The following GRIK5 variants were observed in gnomAD, a reference collection of about 807,000 sequenced individuals.
GRIK5 encodes the protein glutamate receptor ionotropic, kainate 5.
GRIK5 carries 43 observed loss-of-function variants against 97.4 expected under a neutral mutation model. The ratio of observed to expected loss-of-function variants is 0.44; its 90% CI spans 0.35 to 0.57. GRIK5 has a LOEUF of 0.57. Ranked by LOEUF, GRIK5 falls within the 20% of genes least tolerant of loss-of-function variation. The probability of loss-of-function intolerance (pLI) is 0.01; values close to 1 mark genes in which losing one functional copy is unlikely to be tolerated. For missense variants in GRIK5, 1,015 were observed against 1,382.0 expected (o/e 0.73, Z 4.21); for synonymous variants, 580 against 583.5 (o/e 0.99, Z 0.09).
In GRIK5 at chr19:42,003,219, C is replaced by T. The variant is rs1555871437; in HGVS notation, c.2514+113G>A. On this transcript the variant is annotated intron_variant, in intron 19 of 19. Transcript: ENST00000593562. The surrounding 1 kb of genome is among the most constrained non-coding windows in gnomAD (Gnocchi z 4.2). ...CCCCACCTCCTGCATTCCTCTGCCC[C>T]CTTCTCGCGATCCCCACCACCCTCC... 3 of 941,778 alleles carry T rather than the reference C, an allele frequency of 3.2e-6. No individual in the cohort carries two copies. Among genetic ancestry groups the T allele is most frequent in the Admixed American group, 2.0e-5 (1 of 51,032 alleles). The allele number at this position is 941,778 out of a possible 1,614,324, so 58.3% of individuals were successfully genotyped here. A position where few individuals can be genotyped will look rare whatever the true frequency, so the allele number is the denominator to read the frequency against.
intron 8 of GRIK5, 105 bp from the exon 9 acceptor site, chr19:42,054,577 T>A (rs1668315538): frequency 3.1e-6 from 4 of 1,294,518 alleles, no homozygotes; most frequent in African/African-American, 2.9e-5. Context: ...ATAACTTCCC[T>A]CTCCCCAGGA....
chr19:42,013,780 C>T (rs1210275317), intron 15 of GRIK5, among the ~76,000 whole-genome samples: 2 of 152,122 alleles, frequency 1.3e-5, no homozygotes, highest in African/African-American at 4.8e-5. Flanking sequence ...CTGATCCCAG[C>T]ATTTCAGGAT....
chr19:42,016,633 C>T (rs754951634), intron 15 of GRIK5, among the ~76,000 whole-genome samples: 1 of 152,136 alleles, frequency 6.6e-6, no homozygotes, highest in Non-Finnish European at 1.5e-5. Context: ...TTTGGAGATG[C>T]CTGTTGAGCT....
chr19:42,045,284 C>T (rs911343690), intron 11 of GRIK5, among the ~76,000 whole-genome samples: 1 of 152,154 alleles, frequency 6.6e-6, no homozygotes, highest in Non-Finnish European at 1.5e-5. Flanking sequence ...GAAGTGATGC[C>T]GTGTGAATTC....
chr19:42,068,812 A>G (rs1438641854), intron 1 of GRIK5: 1 of 621,406 alleles, frequency 1.6e-6, no homozygotes, highest in Non-Finnish European at 2.9e-6. Flanking sequence ...GCGGAAAGAC[A>G]TATCCAGGAG....
chr19:42,002,788 T>G lies in GRIK5; in HGVS notation c.2514+544A>C, dbSNP rs2075438737. Among the ~76,000 whole-genome samples the G allele has an allele frequency of 6.6e-6, 1 of 152,010 alleles. No individual in the cohort carries two copies. Among genetic ancestry groups the G allele is most frequent in the South Asian group, 2.1e-4 (1 of 4,816 alleles). ...GTTCCCTCTGTCACCCAGGCTGGAGTGCAGTGGTGCAATCTCAGCTTACTG... is the reference window on the plus strand; with the variant it reads ...GTTCCCTCTGTCACCCAGGCTGGAGGGCAGTGGTGCAATCTCAGCTTACTG... On this transcript the variant is annotated intron_variant, in intron 19 of 19. Transcript: ENST00000593562. The surrounding 1 kb of genome is among the most constrained non-coding windows in gnomAD (Gnocchi z 5.2).
chr19:42,045,847 G>C (rs1424170464), intron 11 of GRIK5, among the ~76,000 whole-genome samples: 1 of 152,226 alleles, frequency 6.6e-6, no homozygotes, highest in African/African-American at 2.4e-5. Flanking sequence ...GTCCAGAGAA[G>C]TGAAGTAGTA....
chr19:41,999,235 C>G lies in GRIK5; in HGVS notation c.2579G>C (p.Arg860Pro). Residue 860 changes from arginine to proline, a missense_variant, in exon 20 of 20, where the codon CGT (arginine) becomes CCT (proline). Physicochemically the swap from Arg to Pro is moderately radical, Grantham distance 103 (BLOSUM62 -2). Transcript: ENST00000593562. The surrounding 1 kb of genome is among the most constrained non-coding windows in gnomAD (Gnocchi z 5.0). The stretch of plus-strand genomic sequence containing the variant: ...GCCCGGGCGTCGGCGCCGGCGGGAA[C>G]GCGACGTCTTGCGGCAAGAAACGGC... ...RHAVSCRKTS[R>P]SRRRRRPGGP... 1.3e-6 allele frequency: 2 copies of G among 1,522,982 alleles called. No homozygotes were observed. Among genetic ancestry groups the G allele is most frequent in the Non-Finnish European group, 1.8e-6 (2 of 1,142,006 alleles). The allele number at this position is 1,522,982 out of a possible 1,614,324, so 94.3% of individuals were successfully genotyped here.
chr19:41,999,404 T>G lies in GRIK5; in HGVS notation c.2515-105A>C. 3.5e-6 allele frequency: 3 copies of G among 857,980 alleles called. No homozygotes were observed. Among genetic ancestry groups the G allele is most frequent in the South Asian group, 3.6e-5 (2 of 54,990 alleles). The allele number at this position is 857,980 out of a possible 1,614,324, so 53.1% of individuals were successfully genotyped here. A position where few individuals can be genotyped will look rare whatever the true frequency, so the allele number is the denominator to read the frequency against. ...CCTCCTCCTTTCCTCGCCCGGGTCT[T>G]TCTTCCTTCTGCCCTCGCTTCCCTT... is the stretch of plus-strand genomic sequence containing the variant. On this transcript the variant is annotated intron_variant, in intron 19 of 19. Transcript: ENST00000593562. The surrounding 1 kb of genome is among the most constrained non-coding windows in gnomAD (Gnocchi z 5.0).
Position 42,003,544 on chromosome 19 carries a change from C to A in GRIK5, c.2392+11G>T. On this transcript the variant is annotated intron_variant, in intron 18 of 19. Coordinates refer to ENST00000593562, the MANE Select transcript of GRIK5 (RefSeq NM_002088.5). The surrounding 1 kb of genome is among the most constrained non-coding windows in gnomAD (Gnocchi z 4.2). ...GGCTATGGGAAGGGGACACCATACG[C>A]GGGAACTGACCTTTAGCTCGATGGT... 1 of 1,608,106 alleles carries A rather than the reference C, an allele frequency of 6.2e-7. No individual in the cohort carries two copies. The highest frequency in any genetic ancestry group is 8.5e-7 in the Non-Finnish European group (1 of 1,176,708).
chr19:42,023,135 C>T (rs2075723486), intron 12 of GRIK5, among the ~76,000 whole-genome samples: 1 of 151,888 alleles, frequency 6.6e-6, no homozygotes. Context: ...CTGTGAAATC[C>T]AGGGTCGGGG....
chr19:42,054,674 C>T (rs1452040989), intron 8 of GRIK5, among the ~76,000 whole-genome samples: 5 of 152,096 alleles, frequency 3.3e-5, no homozygotes, highest in Non-Finnish European at 5.9e-5. Flanking sequence ...GGTGTGTGTG[C>T]TTCCCATGTC....
Position 42,003,253 on chromosome 19 carries a change from C to T in GRIK5, c.2514+79G>A. The T allele has an allele frequency of 7.4e-7, 1 of 1,353,196 alleles. No individual in the cohort carries two copies. Among genetic ancestry groups the T allele is most frequent in the South Asian group, 1.2e-5 (1 of 80,492 alleles). 83.8% of individuals were successfully genotyped at this position (1,353,196 alleles called of 1,614,324 possible). On this transcript the variant is annotated intron_variant, in intron 19 of 19. Transcript: ENST00000593562. The surrounding 1 kb of genome is among the most constrained non-coding windows in gnomAD (Gnocchi z 4.2). ...GATCCCCACCACCCTCCAGGTATGG[C>T]TCCCAATGCCACAATCTTCACGCAC... is the stretch of plus-strand genomic sequence containing the variant.
At chr19:42,052,876 C>T (rs1370162998) in intron 11 of GRIK5, among the ~76,000 whole-genome samples, 5 of 152,296 alleles carry the variant, frequency 3.3e-5, no homozygotes, top group Middle Eastern at 6.8e-3. Context: ...CTAGCTCTGC[C>T]GGGGACTCAC....
chr19:42,065,947 C>A lies in GRIK5; in HGVS notation c.-50-127G>T. 1 of 616,250 alleles carries A rather than the reference C, an allele frequency of 1.6e-6. No homozygotes were observed. The highest frequency in any genetic ancestry group is 2.9e-6 in the Non-Finnish European group (1 of 341,610). 38.2% of individuals were successfully genotyped at this position (616,250 alleles called of 1,614,324 possible). ...TGTTGGCAAGCAGTTCACAGCTCTGCAGAGCCCTGCTCTGTTTAGAAGCTG... is the reference window on the plus strand; with the variant it reads ...TGTTGGCAAGCAGTTCACAGCTCTGAAGAGCCCTGCTCTGTTTAGAAGCTG... On this transcript the variant is annotated intron_variant, in intron 1 of 19. Coordinates refer to ENST00000593562, the MANE Select transcript of GRIK5 (RefSeq NM_002088.5). The surrounding 1 kb of genome is among the most constrained non-coding windows in gnomAD (Gnocchi z 5.8).
chr19:42,059,632 G>A (rs1037342945), intron 5 of GRIK5, 105 bp from the exon 6 acceptor site: 3 of 968,542 alleles, frequency 3.1e-6, no homozygotes, highest in East Asian at 2.6e-5. Context: ...AGGACTGGAG[G>A]GTGTGCAAGG....
intron 1 of GRIK5, chr19:42,068,959 G>A (rs746820689): frequency 3.5e-5 from 21 of 604,198 alleles, no homozygotes; most frequent in South Asian, 2.3e-4. Flanking sequence ...CCAGGGGCCC[G>A]GGGTAAGTGA....
At chr19:42,056,585 G>A (rs1275772430) in intron 8 of GRIK5, 77 bp downstream of exon 8, 1 of 1,270,064 alleles carries the variant, frequency 7.9e-7, no homozygotes, top group East Asian at 2.3e-5. Context: ...AGCATGATCT[G>A]AGTGAGGTCT....
chr19:42,046,942 T>C (rs1280502952), intron 11 of GRIK5, among the ~76,000 whole-genome samples: 3 of 151,966 alleles, frequency 2.0e-5, no homozygotes, highest in Non-Finnish European at 2.9e-5. Flanking sequence ...GGCTGGAGTG[T>C]AGTGGTGCAA....
Sources: allele counts gnomAD v4.1 joint callset (sites outside exome capture counted in the v4.1 genomes callset), GRCh38; gene constraint gnomAD v4.1.1; non-coding constraint Gnocchi (gnomAD v3.1); transcripts MANE v1.5; gene names NCBI Gene and HGNC (gene_info 2026-07-23, HGNC 2026-07-21).